F5: variants seen among roughly 807,000 people sequenced by gnomAD.
F5 encodes coagulation factor V, also known as activated protein c cofactor.
In F5, 138 loss-of-function variants were observed where a neutral mutation model predicts 216.4. The observed-to-expected ratio is 0.64, with a 90% confidence interval of 0.56 to 0.73. The LOEUF (loss-of-function observed/expected upper bound fraction) is 0.73, where lower values mean the gene tolerates loss of function less well. F5 is among the 30% of genes least tolerant of loss of function. The pLI is 0.00. For synonymous variants in F5, 916 were observed against 930.7 expected (o/e 0.98, Z 0.29); for missense variants, 2,403 against 2,674.0 (o/e 0.90, Z 2.24).
At chr1:169,539,972 T>C (rs544369220) in intron 13 of F5, among the ~76,000 whole-genome samples, 1 of 152,324 alleles carries the variant, frequency 6.6e-6, no homozygotes, top group Admixed American at 6.5e-5. Context: ...GATTAGCATA[T>C]AGCTATGGAT....
chr1:169,523,725 T>C, intron 20 of F5, 76 bp downstream of exon 20: 1 of 1,281,758 alleles, frequency 7.8e-7, no homozygotes, highest in South Asian at 1.2e-5. Flanking sequence ...GCAAGAACAA[T>C]AACAAGGAAT....
In F5 at chr1:169,542,906, G is replaced by T; in HGVS notation, c.2184C>A (p.Asn728Lys). The T allele has an allele frequency of 6.2e-7, 1 of 1,614,092 alleles. No homozygotes were observed. The highest frequency in any genetic ancestry group is 1.1e-5 in the South Asian group (1 of 91,082). The change falls in exon 13 of 25, where the codon AAC becomes AAA. Residue 728 changes from asparagine (N) to lysine (K), a missense_variant. Asn to Lys is a moderately conservative substitution (Grantham distance 94). Coordinates refer to ENST00000367797, the MANE Select transcript of F5 (RefSeq NM_000130.5). Reference sequence around the variant, plus strand: ...TGATTCCTAATGCTGCAGCCAGTCTGTTCTGGTAATCATAGTCAGCATCAC... The same window carrying T: ...TGATTCCTAATGCTGCAGCCAGTCTTTTCTGGTAATCATAGTCAGCATCAC... Reference protein sequence around the residue: ...EESDADYDYQNRLAAALGIRS... With the variant: ...EESDADYDYQKRLAAALGIRS...
At chr1:169,581,856 A>C (rs9332499) in intron 2 of F5, among the ~76,000 whole-genome samples, 2,684 of 152,334 alleles carry the variant, frequency 0.018, 77 homozygotes, top group African/African-American at 0.06. Context: ...ATAGACGGGA[A>C]AGAGATGCAA....
intron 2 of F5, among the ~76,000 whole-genome samples, chr1:169,578,837 C>T (rs1307029571): frequency 6.6e-6 from 1 of 152,142 alleles, no homozygotes; most frequent in Non-Finnish European, 1.5e-5. Flanking sequence ...GCCATTCTAC[C>T]TAAGGCCAAG....
chr1:169,560,430 C>T (rs554327244), intron 4 of F5, 124 bp downstream of exon 4: 19 of 851,334 alleles, frequency 2.2e-5, no homozygotes, highest in South Asian at 1.5e-4. Flanking sequence ...ATCTGGTCTC[C>T]GTGCCGTCTT....
chr1:169,536,459 C>T (rs755782243), intron 14 of F5, 47 bp downstream of exon 14: 2 of 1,545,600 alleles, frequency 1.3e-6, no homozygotes, highest in Admixed American at 3.3e-5. Context: ...CCCTCTGGTG[C>T]TTGTGGAAAT....
At chr1:169,560,918 C>A in intron 3 of F5, 152 bp from the exon 4 acceptor site, 1 of 711,308 alleles carries the variant, frequency 1.4e-6, no homozygotes, top group South Asian at 1.5e-5. Flanking sequence ...TTCACATATG[C>A]CCATTTCTAT....
chr1:169,550,858 G>T, intron 8 of F5, 119 bp from the exon 9 acceptor site: 1 of 748,788 alleles, frequency 1.3e-6, no homozygotes, highest in Non-Finnish European at 2.3e-6. Flanking sequence ...TGTACACACA[G>T]TAGGAAAATT....
rs1659852533 is a variant in F5 at position 169,541,581 on chromosome 1, A to C, written c.3509T>G (p.Ile1170Arg). 6.2e-7 allele frequency: 1 copy of C among 1,613,986 alleles called. No individual in the cohort carries two copies. The highest frequency in any genetic ancestry group is 1.3e-5 in the African/African-American group (1 of 74,888). ...DRSHKSFPTD[I>R]SQMSPSSEHE... ...TTCTGAGGAAGGGGACATTTGACTTATATCTGTGGGGAAGGACTTGTGACT... is the reference window on the plus strand; with the variant it reads ...TTCTGAGGAAGGGGACATTTGACTTCTATCTGTGGGGAAGGACTTGTGACT... Residue 1170 changes from isoleucine (I) to arginine (R), a missense_variant, in exon 13 of 25, where the codon ATA (isoleucine) becomes AGA (arginine). Ile to Arg is a moderately conservative substitution (Grantham distance 97, BLOSUM62 -3). This residue lies in a region of F5 where 1,425 missense variants were observed against 1,554.8 expected (regional missense o/e 0.92). Coordinates refer to ENST00000367797, the MANE Select transcript of F5 (RefSeq NM_000130.5).
At position 169,530,856 on chromosome 1, in the gene F5, G is replaced by C; in HGVS notation, c.5138C>G (p.Thr1713Ser). ...NSSYTYVWHA[T>S]ERSGPESPGS... ...AGGACTTTCTGGCCCTGATCGCTCA[G>C]TGGCATGCCATACGTAGGTATAACT... is the stretch of plus-strand genomic sequence containing the variant. The change falls in exon 15 of 25, where the codon ACT becomes AGT. Residue 1713 changes from threonine (T) to serine (S), a missense_variant. Transcript: ENST00000367797. 1 of 1,613,974 alleles carries C rather than the reference G, an allele frequency of 6.2e-7. No homozygotes were observed. Among genetic ancestry groups the C allele is most frequent in the South Asian group, 1.1e-5 (1 of 91,084 alleles).
intron 3 of F5, among the ~76,000 whole-genome samples, chr1:169,571,879 G>T (rs1354454353): frequency 1.3e-5 from 2 of 152,052 alleles, no homozygotes; most frequent in Non-Finnish European, 2.9e-5. Context: ...TTACTATCTG[G>T]CCCTTTACGG....
intron 18 of F5, 36 bp from the exon 19 acceptor site, chr1:169,524,944 T>G: frequency 6.6e-7 from 1 of 1,514,796 alleles, no homozygotes; most frequent in Non-Finnish European, 9.1e-7. Flanking sequence ...TAATTTTTGC[T>G]TAGAAAATAT....
intron 1 of F5, 122 bp downstream of exon 1, chr1:169,586,103 ATTAG>A: frequency 9.8e-7 from 1 of 1,015,402 alleles, no homozygotes; most frequent in Admixed American, 2.3e-5. Context: ...ATACTCTCCT[ATTAG>A]TTATATTTAC....
intron 10 of F5, among the ~76,000 whole-genome samples, chr1:169,548,339 C>T (rs903349847): frequency 1.3e-5 from 2 of 151,842 alleles, no homozygotes; most frequent in Non-Finnish European, 1.5e-5. Flanking sequence ...CACATAAGTA[C>T]CCCTGAACTT....
At position 169,541,979 on chromosome 1, in the gene F5, G is replaced by T. The variant is rs1659864732; in HGVS notation, c.3111C>A (p.His1037Gln). The change falls in exon 13 of 25, where the codon CAC becomes CAA. Residue 1037 changes from histidine to glutamine, a missense_variant. By Grantham distance (24) the His-to-Gln change is conservative. Around this residue, in one of 4 missense-constraint regions of F5, gnomAD observed 1,425 missense variants for 1,554.8 expected, o/e 0.92. Coordinates refer to ENST00000367797, the MANE Select transcript of F5 (RefSeq NM_000130.5). The stretch of plus-strand genomic sequence containing the variant: ...TCGGAGATAAAGGAGCATGGTGTGT[G>T]TGCTTCTCTTTTTTCTTTTTTCGTG... ...IKTRKKKKEK[H>Q]THHAPLSPRT... 6.2e-7 allele frequency: 1 copy of T among 1,613,920 alleles called. No homozygotes were observed. Among genetic ancestry groups the T allele is most frequent in the African/African-American group, 1.3e-5 (1 of 74,922 alleles).
chr1:169,550,288 ACC>A (rs60015398), intron 9 of F5, among the ~76,000 whole-genome samples: 1,512 of 72,264 alleles, frequency 0.021, 30 homozygotes, highest in East Asian at 0.064. Flanking sequence ...CCCGCCCCCC[ACC>A]CCCCCCCCCC....
Position 169,541,802 on chromosome 1 carries a change from T to C in F5, c.3288A>G (p.Ser1096=), listed in dbSNP as rs1571574424. ...LPSMDFGWIA[S]LPDHNQNSSN... ...AGGAATTCTGATTATGGTCAGGAAG[T>C]GAGGCTATCCAGCCAAAATCCATAG... Residue 1096 remains serine (S), a synonymous_variant, in exon 13 of 25, where the codon TCA becomes TCG. Coordinates refer to ENST00000367797, the MANE Select transcript of F5 (RefSeq NM_000130.5). 10 of 1,614,084 alleles carry C rather than the reference T, an allele frequency of 6.2e-6. No homozygotes were observed. The highest frequency in any genetic ancestry group is 4.0e-5 in the African/African-American group (3 of 75,034).
chr1:169,577,099 C>T (rs1176043589), intron 2 of F5, among the ~76,000 whole-genome samples: 2 of 152,110 alleles, frequency 1.3e-5, no homozygotes, highest in Admixed American at 6.6e-5. Flanking sequence ...ACCCTTCTAA[C>T]CCTCTCCTCA....
chr1:169,586,373 C>A lies in F5; in HGVS notation c.14G>T (p.Cys5Phe). 4 of 1,613,456 alleles carry A rather than the reference C, an allele frequency of 2.5e-6. No individual in the cohort carries two copies. The highest frequency in any genetic ancestry group is 3.4e-6 in the Non-Finnish European group (4 of 1,179,922). The change falls in exon 1 of 25, where the codon TGC (cysteine) becomes TTC (phenylalanine). Residue 5 changes from cysteine (C) to phenylalanine (F), a missense_variant. By Grantham distance (205) the Cys-to-Phe change is radical. This residue lies in a region of F5 where 1,425 missense variants were observed against 1,554.8 expected (regional missense o/e 0.92). Coordinates refer to ENST00000367797, the MANE Select transcript of F5 (RefSeq NM_000130.5). MFPG[C>F]PRLWVLVVLG... ...GACCACCAGGACCCAGAGGCGTGGG[C>A]AGCCTGGGAACATGCTTCCTTTCCT...
Sources: allele counts gnomAD v4.1 joint callset (sites outside exome capture counted in the v4.1 genomes callset), GRCh38; gene constraint gnomAD v4.1.1; regional missense constraint gnomAD v4.1.1; transcripts MANE v1.5; gene names NCBI Gene and HGNC (gene_info 2026-07-23, HGNC 2026-07-21).